Variants in GMFB observed in about 807,000 individuals in gnomAD.
GMFB encodes the protein glia maturation factor beta, also known as GMF-beta.
In GMFB, 13 loss-of-function variants were observed where a neutral mutation model predicts 25.6. The observed-to-expected ratio is 0.51, with a 90% CI of 0.33 to 0.81. The LOEUF is 0.81. Among genes scored for constraint, GMFB ranks in the 30% least tolerant of loss-of-function variants. The probability of loss-of-function intolerance (pLI) is 0.02; values close to 1 mark genes in which losing one functional copy is unlikely to be tolerated. For missense variants in GMFB, 146 were observed against 175.4 expected (o/e 0.83, Z 0.95); for synonymous variants, 57 against 56.9 (o/e 1.00, Z 0.00).
chr14:54,481,331 G>A (rs1474989445), intron 4 of GMFB, 78 bp downstream of exon 4: 37 of 908,308 alleles, frequency 4.1e-5, no homozygotes, highest in Non-Finnish European at 6.8e-5. Context: ...GATACTTTTA[G>A]ATGTTTAACA....
rs1186199515 is a variant in GMFB at position 54,477,768 on chromosome 14, T to C, written c.*320A>G. 2 of 206,260 alleles carry C rather than the reference T, an allele frequency of 9.7e-6. No individual in the cohort carries two copies. The highest frequency in any genetic ancestry group is 1.9e-5 in the Non-Finnish European group (2 of 103,988). 12.8% of individuals were successfully genotyped at this position (206,260 alleles called of 1,614,324 possible). On this transcript the variant is annotated 3_prime_UTR_variant, in exon 7 of 7. Transcript: ENST00000358056. Reference sequence around the variant, plus strand: ...AACTGTTGTCTCTCACAATCTAATATATCCACTTTCCAATGGTGTCTGTAA... The same window carrying C: ...AACTGTTGTCTCTCACAATCTAATACATCCACTTTCCAATGGTGTCTGTAA...
intron 1 of GMFB, chr14:54,484,006 T>C (rs2031750038): frequency 3.3e-6 from 2 of 602,182 alleles, no homozygotes; most frequent in Non-Finnish European, 6.2e-6. Context: ...ACTTTCTCTT[T>C]GGCTAATGAA....
At chr14:54,483,828 T>C (rs1311038919) in intron 1 of GMFB, 61 bp from the exon 2 acceptor site, 9 of 899,040 alleles carry the variant, frequency 1.0e-5, no homozygotes, top group Admixed American at 5.5e-5. Context: ...CATGTTAAAG[T>C]TATGAAACCT....
chr14:54,488,830 G>C, intron 1 of GMFB, 95 bp downstream of exon 1: 2 of 1,056,238 alleles, frequency 1.9e-6, no homozygotes, highest in Non-Finnish European at 2.7e-6. Context: ...AGCCCTCCTG[G>C]GCGCTGCCCG....
At chr14:54,488,833 G>C in intron 1 of GMFB, 92 bp downstream of exon 1, 1 of 1,092,538 alleles carries the variant, frequency 9.2e-7, no homozygotes, top group Non-Finnish European at 1.3e-6. Flanking sequence ...CCTCCTGGGC[G>C]CTGCCCGCCG....
chr14:54,486,740 C>G (rs1043998939), intron 1 of GMFB, among the ~76,000 whole-genome samples: 2 of 152,274 alleles, frequency 1.3e-5, no homozygotes, highest in East Asian at 1.9e-4. Flanking sequence ...ACTATTATTA[C>G]TCCCATTTTG....
Position 54,478,140 on chromosome 14 carries a change from G to A in GMFB, c.377C>T (p.Thr126Ile). ...ELTKVFEIRN[T>I]EDLTEEWLRE... Reference sequence around the variant, plus strand: ...TAACCATTCTTCAGTTAGGTCTTCGGTATTTCTTATTTCAAATACCTTTAA... The same window carrying A: ...TAACCATTCTTCAGTTAGGTCTTCGATATTTCTTATTTCAAATACCTTTAA... The change falls in exon 7 of 7, where the codon ACC becomes ATC. Residue 126 changes from threonine to isoleucine, a missense_variant. By Grantham distance (89) the Thr-to-Ile change is moderately conservative. Coordinates refer to ENST00000358056, the MANE Select transcript of GMFB (RefSeq NM_004124.3). 2 of 1,356,478 alleles carry A rather than the reference G, an allele frequency of 1.5e-6. No homozygotes were observed. The highest frequency in any genetic ancestry group is 2.0e-6 in the Non-Finnish European group (2 of 1,010,208). 84.0% of individuals were successfully genotyped at this position (1,356,478 alleles called of 1,614,324 possible).
In GMFB at chr14:54,478,036, TCC is replaced by T. The variant is rs1383004916; in HGVS notation, c.*50_*51del. ...GCATAAATAAGTATTTATGTCTGAT[TCC>T]AGTATGGTCAGGTTAATACATAAAT... On this transcript the variant is annotated 3_prime_UTR_variant, in exon 7 of 7. Transcript: ENST00000358056. 10 of 745,802 alleles carry T rather than the reference TCC, an allele frequency of 1.3e-5. No homozygotes were observed. The highest frequency in any genetic ancestry group is 1.8e-5 in the African/African-American group (1 of 54,362). 46.2% of individuals were successfully genotyped at this position (745,802 alleles called of 1,614,324 possible).
rs976088890 is a variant in GMFB at position 54,479,914 on chromosome 14, G to T, written c.284-55C>A. ...GACACAGATTTTGAGAAAGGTATGG[G>T]TTATCATTATTTTTATTTTTTAAAA... On this transcript the variant is annotated intron_variant, in intron 5 of 6. Transcript: ENST00000358056. The T allele has an allele frequency of 8.1e-5, 79 of 979,850 alleles. No homozygotes were observed. The East Asian group carries it at 1.8e-3, about 23-fold the overall frequency. The allele number at this position is 979,850 out of a possible 1,614,324, so 60.7% of individuals were successfully genotyped here. A position where few individuals can be genotyped will look rare whatever the true frequency, so the allele number is the denominator to read the frequency against.
Position 54,476,968 on chromosome 14 carries a change from T to C in GMFB, c.*1120A>G, listed in dbSNP as rs2031648148. 1 of 152,002 alleles carries C rather than the reference T, an allele frequency of 6.6e-6. No homozygotes were observed. The highest frequency in any genetic ancestry group is 2.1e-4 in the South Asian group (1 of 4,838). 9.4% of individuals were successfully genotyped at this position (152,002 alleles called of 1,614,324 possible). The stretch of plus-strand genomic sequence containing the variant: ...CTATTCAGGCATCCAGTTCAGAATA[T>C]CTTCTGACATTTAGGATATAAGATG... On this transcript the variant is annotated 3_prime_UTR_variant, in exon 7 of 7. Coordinates refer to ENST00000358056, the MANE Select transcript of GMFB (RefSeq NM_004124.3).
Position 54,478,099 on chromosome 14 carries a change from A to C in GMFB, c.418T>G (p.Phe140Val), listed in dbSNP as rs756735322. ...TEEWLREKLG[F>V]FH ...CACAGAAGTTCACATTAGTGAAAAA[A>C]TCCAAGTTTCTCACGTAACCATTCT... Residue 140 changes from phenylalanine to valine, a missense_variant, in exon 7 of 7, where the codon TTT becomes GTT. Coordinates refer to ENST00000358056, the MANE Select transcript of GMFB (RefSeq NM_004124.3). The C allele has an allele frequency of 1.2e-5, 17 of 1,424,800 alleles. No homozygotes were observed. In the African/African-American group the frequency reaches 2.4e-4, roughly 21 times the overall value. The allele number at this position is 1,424,800 out of a possible 1,614,324, so 88.3% of individuals were successfully genotyped here. A position where few individuals can be genotyped will look rare whatever the true frequency, so the allele number is the denominator to read the frequency against.
At chr14:54,480,141 C>G in intron 5 of GMFB, 1 of 290,936 alleles carries the variant, frequency 3.4e-6, no homozygotes, top group East Asian at 7.3e-5. Context: ...TAAAAACTTT[C>G]TGCACTATCT....
At chr14:54,483,814 T>C (rs758143119) in intron 1 of GMFB, 47 bp from the exon 2 acceptor site, 3 of 1,015,210 alleles carry the variant, frequency 3.0e-6, no homozygotes, top group Non-Finnish European at 4.7e-6. Context: ...CTTCAATATA[T>C]GTACATGTTA....
chr14:54,488,866 A>G (rs2031826420), intron 1 of GMFB, 59 bp downstream of exon 1: 1 of 1,492,478 alleles, frequency 6.7e-7, no homozygotes, highest in Middle Eastern at 1.9e-4. Context: ...GAAACCGGGA[A>G]AACCCGGCTG....
In GMFB at chr14:54,479,796, T is replaced by G. The variant is rs1230162687; in HGVS notation, c.347A>C (p.Glu116Ala). 6.3e-7 allele frequency: 1 copy of G among 1,589,376 alleles called. No individual in the cohort carries two copies. The highest frequency in any genetic ancestry group is 8.6e-7 in the Non-Finnish European group (1 of 1,157,884). Residue 116 changes from glutamate (E) to alanine (A), a missense_variant, in exon 6 of 7, where the codon GAA (glutamate) becomes GCA (alanine). Transcript: ENST00000358056. ...GSKNKLVQTA[E>A]LTKVFEIRNT... ...AAATATAAATACCACCTTGGTTAGTTCAGCTGTCTGGACTAGCTTATTCTT... is the reference window on the plus strand; with the variant it reads ...AAATATAAATACCACCTTGGTTAGTGCAGCTGTCTGGACTAGCTTATTCTT...
At chr14:54,481,286 CAT>C (rs2031707481) in intron 4 of GMFB, 121 bp downstream of exon 4, 3 of 706,454 alleles carry the variant, frequency 4.2e-6, no homozygotes, top group Admixed American at 2.3e-5. Context: ...TATATGCACA[CAT>C]ATTTTAATTT....
chr14:54,480,967 A>C lies in GMFB; in HGVS notation c.201-11T>G. ...CTATACACAATGAAGGTTTTTCTCA[A>C]GTTAAAGAAACTAAAGTTACTGCTC... On this transcript the variant is annotated splice_polypyrimidine_tract_variant and intron_variant, in intron 4 of 6. Coordinates refer to ENST00000358056, the MANE Select transcript of GMFB (RefSeq NM_004124.3). The C allele has an allele frequency of 7.5e-7, 1 of 1,336,728 alleles. No homozygotes were observed. The highest frequency in any genetic ancestry group is 1.1e-6 in the Non-Finnish European group (1 of 946,712). The allele number at this position is 1,336,728 out of a possible 1,614,324, so 82.8% of individuals were successfully genotyped here. A position where few individuals can be genotyped will look rare whatever the true frequency, so the allele number is the denominator to read the frequency against.
intron 1 of GMFB, among the ~76,000 whole-genome samples, chr14:54,486,254 C>A (rs1295231408): frequency 2.0e-5 from 3 of 151,186 alleles, no homozygotes; most frequent in Admixed American, 6.6e-5. Flanking sequence ...ATCTCAAAAA[C>A]AAAAACAAAA....
At chr14:54,485,864 A>G (rs888999859) in intron 1 of GMFB, among the ~76,000 whole-genome samples, 14 of 152,204 alleles carry the variant, frequency 9.2e-5, no homozygotes, top group African/African-American at 3.4e-4. Flanking sequence ...TAGCCAACTC[A>G]TTTTGGACAA....
Sources: gnomAD v4.1 joint callset for allele counts (sites outside exome capture counted in the v4.1 genomes callset) on GRCh38, gnomAD v4.1.1 for gene constraint, MANE v1.5 for transcripts, NCBI Gene and HGNC (gene_info 2026-07-23, HGNC 2026-07-21) for gene names.